ANKS1B: variants seen among roughly 807,000 people sequenced by gnomAD.
The protein encoded by ANKS1B is ankyrin repeat and sterile alpha motif domain containing 1B.
In ANKS1B, 36 loss-of-function variants were observed where a neutral mutation model predicts 148.3. The ratio of observed to expected loss-of-function variants is 0.24; its 90% CI spans 0.19 to 0.32. The LOEUF (loss-of-function observed/expected upper bound fraction) is 0.32, where lower values mean the gene tolerates loss of function less well. Ranked by LOEUF, ANKS1B falls within the 10% of genes least tolerant of loss-of-function variation. The pLI, the probability that ANKS1B is intolerant of heterozygous loss-of-function variation, is 1.00. For synonymous variants in ANKS1B, 542 were observed against 560.8 expected (o/e 0.97, Z 0.47); for missense variants, 1,157 against 1,542.6 (o/e 0.75, Z 4.19).
At chr12:99,115,706 G>A (rs1648392081) in intron 15 of ANKS1B, among the ~76,000 whole-genome samples, 1 of 152,070 alleles carries the variant, frequency 6.6e-6, no homozygotes, top group Non-Finnish European at 1.5e-5. Flanking sequence ...TGAGGTGGGT[G>A]GATCACTTGA....
At position 99,938,971 on chromosome 12, in the gene ANKS1B, T is replaced by C. The variant is rs114702464; in HGVS notation, c.134+45133A>G. On this transcript the variant is annotated intron_variant, in intron 1 of 26. Transcript: ENST00000683438. ...CCCACTTAATCCAAAAAAGTAAAAA[T>C]ATATGCCTCCTATTTTCTTTCAGAT... Among the ~76,000 whole-genome samples the C allele has an allele frequency of 4.1e-3, 630 of 152,240 alleles. 4 individuals carry two copies. The highest frequency in any genetic ancestry group is 0.014 in the African/African-American group (600 of 41,536).
intron 16 of ANKS1B, among the ~76,000 whole-genome samples, chr12:99,074,984 A>G (rs962839217): frequency 1.3e-5 from 2 of 152,156 alleles, no homozygotes; most frequent in Non-Finnish European, 2.9e-5. Flanking sequence ...GGGTTAAATC[A>G]TCTATCCCAG....
At chr12:99,852,838 C>T (rs755874747) in intron 1 of ANKS1B, among the ~76,000 whole-genome samples, 29 of 152,302 alleles carry the variant, frequency 1.9e-4, no homozygotes, top group East Asian at 3.9e-4. Flanking sequence ...CTCTGCTCAA[C>T]GGCTGCCTGA....
intron 25 of ANKS1B, among the ~76,000 whole-genome samples, chr12:98,771,222 T>C (rs1241036255): frequency 6.6e-6 from 1 of 152,180 alleles, no homozygotes; most frequent in African/African-American, 2.4e-5. Context: ...CAGGCTGGAA[T>C]GCAGTGGCAC....
At chr12:99,425,389 C>A (rs2095229977) in intron 11 of ANKS1B, among the ~76,000 whole-genome samples, 1 of 151,794 alleles carries the variant, frequency 6.6e-6, no homozygotes, top group African/African-American at 2.4e-5. Context: ...AATAGTAGTA[C>A]AATGAATTAT....
At chr12:98,821,658 G>A (rs1030624515) in intron 19 of ANKS1B, among the ~76,000 whole-genome samples, 6 of 152,160 alleles carry the variant, frequency 3.9e-5, no homozygotes, top group African/African-American at 1.4e-4. Context: ...TCCCAGGCTG[G>A]AGTGCAGTGG....
At chr12:98,973,887 GTATAGATACATATCACAGGTATGTATC>G (rs1373130522) in intron 17 of ANKS1B, among the ~76,000 whole-genome samples, 1 of 149,714 alleles carries the variant, frequency 6.7e-6, no homozygotes, top group Non-Finnish European at 1.5e-5. Context: ...TATGCGATAT[GTATAGATACATATCACAGGTATGTATC>G]TATAGATACA....
At chr12:98,789,284 A>G (rs1335419177) in intron 22 of ANKS1B, among the ~76,000 whole-genome samples, 1 of 152,196 alleles carries the variant, frequency 6.6e-6, no homozygotes, top group East Asian at 1.9e-4. Flanking sequence ...CAGTGATTGT[A>G]GTGAGCCAAG....
intron 1 of ANKS1B, among the ~76,000 whole-genome samples, chr12:99,891,634 A>G (rs940993248): frequency 2.0e-5 from 3 of 152,178 alleles, no homozygotes; most frequent in Non-Finnish European, 4.4e-5. Context: ...AGAATCTTTG[A>G]CTATTTTAAT....
chr12:98,916,936 C>G (rs1398814289), intron 17 of ANKS1B, among the ~76,000 whole-genome samples: 4 of 151,892 alleles, frequency 2.6e-5, no homozygotes, highest in African/African-American at 9.7e-5. Flanking sequence ...TTTACTTAAC[C>G]CTTATAGCAG....
chr12:99,564,286 G>A (rs542469112), intron 9 of ANKS1B, among the ~76,000 whole-genome samples: 29 of 151,722 alleles, frequency 1.9e-4, no homozygotes, highest in East Asian at 9.6e-4. Context: ...TAGCAGAACA[G>A]GTATATAATT....
chr12:99,327,997 T>C (rs1260736156), intron 12 of ANKS1B, among the ~76,000 whole-genome samples: 1 of 151,948 alleles, frequency 6.6e-6, no homozygotes, highest in Non-Finnish European at 1.5e-5. Flanking sequence ...AATAAATTTT[T>C]AATAATTTTT....
intron 15 of ANKS1B, among the ~76,000 whole-genome samples, chr12:99,091,103 A>ATG (rs2053839950): frequency 6.6e-6 from 1 of 152,180 alleles, no homozygotes; most frequent in African/African-American, 2.4e-5. Context: ...TCTTCAGACT[A>ATG]TGTGGACTAT....
chr12:99,671,842 A>G (rs2098539446), intron 8 of ANKS1B, among the ~76,000 whole-genome samples: 1 of 152,148 alleles, frequency 6.6e-6, no homozygotes, highest in Non-Finnish European at 1.5e-5. Flanking sequence ...TGTATGCTCA[A>G]TAGCATTCAG....
intron 12 of ANKS1B, among the ~76,000 whole-genome samples, chr12:99,342,275 T>TGAGTTA: frequency 6.6e-6 from 1 of 152,116 alleles, no homozygotes; most frequent in South Asian, 2.1e-4. Flanking sequence ...GGAAGCTGTT[T>TGAGTTA]GAGTTATAGA....
chr12:99,049,163 C>T lies in ANKS1B; in HGVS notation c.2778+3994G>A, dbSNP rs978965485. The T allele has an allele frequency of 2.6e-5, 4 of 152,080 alleles. 1 individual carries two copies. Among genetic ancestry groups the T allele is most frequent in the Admixed American group, 2.0e-4 (3 of 15,262 alleles). 9.4% of individuals were successfully genotyped at this position (152,080 alleles called of 1,614,324 possible). ...ATTATGTCCCGTGGTGAAAGCATAA[C>T]CTTTTACTTAAAATAATTGGTTTGA... On this transcript the variant is annotated intron_variant, in intron 17 of 26. Transcript: ENST00000683438.
At chr12:98,942,309 G>T (rs888267479) in intron 17 of ANKS1B, among the ~76,000 whole-genome samples, 1 of 152,114 alleles carries the variant, frequency 6.6e-6, no homozygotes, top group African/African-American at 2.4e-5. Context: ...TCTCTTATAT[G>T]ACTTTTGTGA....
chr12:99,045,856 T>A (rs2099961986), intron 17 of ANKS1B, among the ~76,000 whole-genome samples: 1 of 151,692 alleles, frequency 6.6e-6, no homozygotes, highest in South Asian at 2.1e-4. Context: ...TCAGAAGGAG[T>A]CTGCAAGACT....
At chr12:98,978,489 T>TGTGC (rs2099901915) in intron 17 of ANKS1B, among the ~76,000 whole-genome samples, 1 of 152,206 alleles carries the variant, frequency 6.6e-6, no homozygotes, top group African/African-American at 2.4e-5. Context: ...ACTGTGTGTG[T>TGTGC]GTGCGTGTGT....
Sources: allele counts gnomAD v4.1 joint callset (sites outside exome capture counted in the v4.1 genomes callset), GRCh38; gene constraint gnomAD v4.1.1; transcripts MANE v1.5; gene names NCBI Gene and HGNC (gene_info 2026-07-23, HGNC 2026-07-21).